ATM: variants seen among roughly 807,000 people sequenced by gnomAD.
ATM encodes the protein ATM serine/threonine kinase.
Under a neutral mutation model 387.0 loss-of-function variants are expected in ATM, and 308 were observed. The observed-to-expected ratio is 0.80, with a 90% CI of 0.73 to 0.87. ATM has a LOEUF of 0.87. Ranked by LOEUF, ATM falls within the 40% of genes least tolerant of loss-of-function variation. The pLI, the probability that ATM is intolerant of heterozygous loss-of-function variation, is 0.00. For missense variants in ATM, 3,312 were observed against 3,560.9 expected, an observed-to-expected ratio of 0.93 and a Z score of 1.78; for synonymous variants, 1,156 against 1,187.3, an observed-to-expected ratio of 0.97 and a Z score of 0.54.
intron 16 of ATM, among the ~76,000 whole-genome samples, chr11:108,266,483 T>G (rs1240827135): frequency 9.4e-6 from 1 of 106,340 alleles, no homozygotes; most frequent in Admixed American, 1.3e-4. Context: ...TGTGGACTGT[T>G]GTGGGGTGGG....
chr11:108,238,883 A>G (rs1395956081), intron 5 of ATM, among the ~76,000 whole-genome samples: 1 of 152,136 alleles, frequency 6.6e-6, no homozygotes, highest in Non-Finnish European at 1.5e-5. Context: ...AAGTGCATTC[A>G]TATTGTTGTG....
At chr11:108,341,887 A>C (rs1481920362) in intron 56 of ATM, among the ~76,000 whole-genome samples, 1 of 152,212 alleles carries the variant, frequency 6.6e-6, no homozygotes, top group Non-Finnish European at 1.5e-5. Context: ...AAATCGGTAC[A>C]GTCACTTTGA....
In ATM at chr11:108,268,542, G is replaced by A. The variant is rs587782298; in HGVS notation, c.2771G>A (p.Arg924Gln). 61 of 1,613,960 alleles carry A rather than the reference G, an allele frequency of 3.8e-5. No individual in the cohort carries two copies. In the East Asian group the frequency reaches 4.0e-4, roughly 11 times the overall value. ...GTGTCCTTTAGGGCAGCTGATATTCGGAGGAAATTGTTAATGTTAATTGAT... is the reference window on the plus strand; with the variant it reads ...GTGTCCTTTAGGGCAGCTGATATTCAGAGGAAATTGTTAATGTTAATTGAT... ...NTVSFRAADIRRKLLMLIDSS... is the reference protein window; with the variant it reads ...NTVSFRAADIQRKLLMLIDSS... The change falls in exon 18 of 63, where the codon CGG becomes CAG. Residue 924 changes from arginine to glutamine, a missense_variant. By Grantham distance (43) the Arg-to-Gln change is conservative (BLOSUM62 1). Coordinates refer to ENST00000675843, the MANE Select transcript of ATM (RefSeq NM_000051.4).
At chr11:108,285,809 C>T (rs540839361) in intron 26 of ATM, among the ~76,000 whole-genome samples, 1 of 152,248 alleles carries the variant, frequency 6.6e-6, no homozygotes, top group East Asian at 1.9e-4. Context: ...GAGAGAGATA[C>T]TCAGCCTCTA....
intron 58 of ATM, 129 bp from the exon 59 acceptor site, chr11:108,347,150 T>C (rs1008579520): frequency 1.3e-6 from 1 of 771,078 alleles, no homozygotes; most frequent in Admixed American, 2.0e-5. Context: ...TGCACATCAT[T>C]TAAGTAGGCT....
At chr11:108,268,141 G>C (rs369301677) in intron 17 of ATM, among the ~76,000 whole-genome samples, 2 of 151,676 alleles carry the variant, frequency 1.3e-5, no homozygotes, top group African/African-American at 4.8e-5. Flanking sequence ...CAGAAATTTA[G>C]ATTCTTTTCT....
chr11:108,359,517 C>G (rs1186361297), intron 61 of ATM, among the ~76,000 whole-genome samples: 1 of 152,034 alleles, frequency 6.6e-6, no homozygotes, highest in Non-Finnish European at 1.5e-5. Flanking sequence ...CACACCACAC[C>G]TATTCCAAAA....
At chr11:108,287,851 C>T in intron 27 of ATM, 136 bp downstream of exon 27, 2 of 646,852 alleles carry the variant, frequency 3.1e-6, no homozygotes, top group South Asian at 3.8e-5. Context: ...AAAATAGCCA[C>T]CTTTGAATTG....
At position 108,284,248 on chromosome 11, in the gene ATM, T is replaced by G. The variant is rs765538231; in HGVS notation, c.3768T>G (p.Ile1256Met). 2 of 1,610,858 alleles carry G rather than the reference T, an allele frequency of 1.2e-6. No homozygotes were observed. Among genetic ancestry groups the G allele is most frequent in the Non-Finnish European group, 1.7e-6 (2 of 1,177,368 alleles). ...TTAGATCTTGTTATAAGGTTTTGAT[T>G]CCACATCTGGTGATTAGAAGTCATT... ...DFYRSCYKVL[I>M]PHLVIRSHFD... The change falls in exon 26 of 63, where the codon ATT becomes ATG. Residue 1256 changes from isoleucine to methionine, a missense_variant. By Grantham distance (10) the Ile-to-Met change is conservative. Around this residue, in one of 4 missense-constraint regions of ATM, gnomAD observed 1,791 missense variants for 1,804.5 expected, o/e 0.99. Transcript: ENST00000675843.
Position 108,252,863 on chromosome 11 carries a change from A to G in ATM, c.1849A>G (p.Met617Val), listed in dbSNP as rs1555072530. 3 of 1,613,188 alleles carry G rather than the reference A, an allele frequency of 1.9e-6. No homozygotes were observed. Among genetic ancestry groups the G allele is most frequent in the Non-Finnish European group, 2.5e-6 (3 of 1,179,440 alleles). The part of the protein sequence containing the change: ...VLEKILVSLT[M>V]KNCKAAMNFF... ...GGAGAAAATTCTTGTGAGTCTCACT[A>G]TGAAAAACTGTAAAGCTGCAATGAA... The change falls in exon 12 of 63, where the codon ATG becomes GTG. Residue 617 changes from methionine (M) to valine (V), a missense_variant. Transcript: ENST00000675843.
chr11:108,235,732 T>C lies in ATM; in HGVS notation c.394T>C (p.Ser132Pro), dbSNP rs786203851. ...TATCATGGATACAGTGAAAGATTCA[T>C]CTAATGGTGCTATTTACGGAGCTGA... is the stretch of plus-strand genomic sequence containing the variant. ...NYIMDTVKDS[S>P]NGAIYGADCS... Residue 132 changes from serine to proline, a missense_variant, in exon 5 of 63, where the codon TCT (serine) becomes CCT (proline). This residue lies in a region of ATM where 1,791 missense variants were observed against 1,804.5 expected (regional missense o/e 0.99). Transcript: ENST00000675843. 6.2e-7 allele frequency: 1 copy of C among 1,612,674 alleles called. No individual in the cohort carries two copies. Among genetic ancestry groups the C allele is most frequent in the Non-Finnish European group, 8.5e-7 (1 of 1,178,802 alleles).
At chr11:108,265,324 C>A (rs868023949) in intron 16 of ATM, among the ~76,000 whole-genome samples, 4 of 151,880 alleles carry the variant, frequency 2.6e-5, no homozygotes, top group Non-Finnish European at 4.4e-5. Context: ...TCAGAAATAA[C>A]GCTGCATATC....
At chr11:108,277,604 G>T (rs528711124) in intron 22 of ATM, among the ~76,000 whole-genome samples, 2 of 152,172 alleles carry the variant, frequency 1.3e-5, no homozygotes, top group African/African-American at 4.8e-5. Flanking sequence ...TCACAGCATA[G>T]TCCCTCACGG....
chr11:108,266,825 G>A (rs112441906), intron 16 of ATM, among the ~76,000 whole-genome samples: 32 of 134,488 alleles, frequency 2.4e-4, no homozygotes, highest in East Asian at 8.5e-4. Context: ...ACAGAGTCTC[G>A]CTTCGTCAAA....
At chr11:108,296,177 G>A (rs2135850476) in intron 32 of ATM, among the ~76,000 whole-genome samples, 1 of 151,808 alleles carries the variant, frequency 6.6e-6, no homozygotes, top group Non-Finnish European at 1.5e-5. Flanking sequence ...GATTTGAAAT[G>A]TACATTATTA....
rs1297708597 is a variant in ATM at position 108,330,468 on chromosome 11, A to ATTC, written c.7515+47_7515+48insTTC. ...ATTCTACCCTGTGCTTGAAAAACTTAGACATAAGCCCCTTGATGTCAGGAA... is the reference window on the plus strand; with the variant it reads ...ATTCTACCCTGTGCTTGAAAAACTTATTCGACATAAGCCCCTTGATGTCAGGAA... On this transcript the variant is annotated intron_variant, in intron 50 of 62. Coordinates refer to ENST00000675843, the MANE Select transcript of ATM (RefSeq NM_000051.4). 6 of 1,581,446 alleles carry ATTC rather than the reference A, an allele frequency of 3.8e-6. No homozygotes were observed. The highest frequency in any genetic ancestry group is 5.2e-6 in the Non-Finnish European group (6 of 1,150,822).
rs876659563 is a variant in ATM, at chr11:108,325,373, C to T, written c.6636C>T (p.Leu2212=). The T allele has an allele frequency of 3.7e-6, 6 of 1,612,322 alleles. No homozygotes were observed. The African/African-American group carries it at 5.4e-5, about 14-fold the overall frequency. ...YIKWQKHSQL[L]KDSDFSFQEP... ...AGTGGCAGAAACACTCCCAGCTTCT[C>T]AAGGACAGTGATTTTAGTTTTCAGG... Residue 2212 remains leucine, a synonymous_variant, in exon 46 of 63, where the codon CTC becomes CTT. Coordinates refer to ENST00000675843, the MANE Select transcript of ATM (RefSeq NM_000051.4).
intron 61 of ATM, 96 bp downstream of exon 61, chr11:108,354,970 T>C: frequency 9.6e-7 from 1 of 1,041,894 alleles, no homozygotes; most frequent in Non-Finnish European, 1.5e-6. Context: ...ACTGCTTCAT[T>C]TTAACATAGG....
rs2135524986 is a variant in ATM at position 108,268,503 on chromosome 11, C to T, written c.2732C>T (p.Ala911Val). The T allele has an allele frequency of 6.2e-7, 1 of 1,614,042 alleles. No individual in the cohort carries two copies. The change falls in exon 18 of 63, where the codon GCT (alanine) becomes GTT (valine). Residue 911 changes from alanine to valine, a missense_variant. Around this residue, in one of 4 missense-constraint regions of ATM, gnomAD observed 1,791 missense variants for 1,804.5 expected, o/e 0.99. Transcript: ENST00000675843. ...TTCTTGTGTTTGTGTGTAACTACTG[C>T]TCAGACCAATACTGTGTCCTTTAGG... ...LKFLCLCVTT[A>V]QTNTVSFRAA...
Sources: gnomAD v4.1 joint callset for allele counts (sites outside exome capture counted in the v4.1 genomes callset) on GRCh38, gnomAD v4.1.1 for gene constraint, gnomAD v4.1.1 regional missense constraint, MANE v1.5 for transcripts, NCBI Gene and HGNC (gene_info 2026-07-23, HGNC 2026-07-21) for gene names.